The following XRRA1 variants were observed in gnomAD, a reference collection of about 807,000 sequenced individuals.
XRRA1 encodes X-ray radiation resistance-associated protein 1.
Under a neutral mutation model 80.2 loss-of-function variants are expected in XRRA1, and 69 were observed. The observed-to-expected ratio is 0.86, with a 90% CI of 0.71 to 1.05. The LOEUF is 1.05. Among genes scored for constraint, XRRA1 ranks in the 50% least tolerant of loss-of-function variants. The pLI, the probability that XRRA1 is intolerant of heterozygous loss-of-function variation, is 0.00. For missense variants in XRRA1, 967 were observed against 976.4 expected (o/e 0.99, Z 0.13); for synonymous variants, 348 against 389.9 (o/e 0.89, Z 1.27).
chr11:74,895,504 G>A (rs1322798989), intron 10 of XRRA1, among the ~76,000 whole-genome samples: 1 of 152,232 alleles, frequency 6.6e-6, no homozygotes, highest in African/African-American at 2.4e-5. Flanking sequence ...GGACACAAGA[G>A]CTGTAATTCT....
intron 10 of XRRA1, chr11:74,864,101 C>A (rs1159034780): frequency 6.6e-6 from 1 of 152,046 alleles, no homozygotes; most frequent in Non-Finnish European, 1.5e-5. Flanking sequence ...AGAATTATCA[C>A]CTGAATAAAA....
intron 11 of XRRA1, among the ~76,000 whole-genome samples, chr11:74,861,790 T>C (rs1272055771): frequency 6.6e-6 from 1 of 152,154 alleles, no homozygotes; most frequent in South Asian, 2.1e-4. Flanking sequence ...GTTTGAGTTG[T>C]TCTAGAAAAT....
chr11:74,854,532 A>G (rs757977159), intron 12 of XRRA1, among the ~76,000 whole-genome samples: 9 of 152,320 alleles, frequency 5.9e-5, no homozygotes, highest in Admixed American at 1.3e-4. Context: ...TTCCAATACA[A>G]TTTTATTTAT....
At chr11:74,944,095 T>C (rs1946990021) in intron 2 of XRRA1, among the ~76,000 whole-genome samples, 1 of 152,216 alleles carries the variant, frequency 6.6e-6, no homozygotes, top group Non-Finnish European at 1.5e-5. Flanking sequence ...GGAAGGCCAG[T>C]GGAAATAACT....
At chr11:74,925,814 G>C (rs1489355377) in intron 7 of XRRA1, among the ~76,000 whole-genome samples, 1 of 152,128 alleles carries the variant, frequency 6.6e-6, no homozygotes, top group Non-Finnish European at 1.5e-5. Context: ...GGTTTGAAAT[G>C]GTAGGGGAAG....
rs775581934 is a variant in XRRA1, at chr11:74,844,293, G to A, written c.1928-10C>T. On this transcript the variant is annotated splice_polypyrimidine_tract_variant and intron_variant, in intron 16 of 18. Coordinates refer to ENST00000684022, the MANE Select transcript of XRRA1 (RefSeq NM_001378157.1). Reference sequence around the variant, plus strand: ...GCATTCTTCTGGATTCCTAGGGCAAGAAGGCAAGACTGAGTCAAGGCACTT... The same window carrying A: ...GCATTCTTCTGGATTCCTAGGGCAAAAAGGCAAGACTGAGTCAAGGCACTT... The A allele has an allele frequency of 1.2e-6, 2 of 1,608,976 alleles. No individual in the cohort carries two copies. Among genetic ancestry groups the A allele is most frequent in the African/African-American group, 1.3e-5 (1 of 74,800 alleles).
intron 10 of XRRA1, among the ~76,000 whole-genome samples, chr11:74,882,960 TTTTG>T (rs1271412637): frequency 6.6e-6 from 1 of 152,156 alleles, no homozygotes; most frequent in African/African-American, 2.4e-5. Flanking sequence ...ACTGCTGTCT[TTTTG>T]TTTGTCTGTG....
chr11:74,891,225 C>G (rs967185797), intron 10 of XRRA1, among the ~76,000 whole-genome samples: 1 of 152,134 alleles, frequency 6.6e-6, no homozygotes, highest in African/African-American at 2.4e-5. Flanking sequence ...GGGCTTCATC[C>G]CTGGGATGCA....
At chr11:74,915,912 G>A (rs766040574) in intron 8 of XRRA1, among the ~76,000 whole-genome samples, 1 of 151,972 alleles carries the variant, frequency 6.6e-6, no homozygotes, top group Non-Finnish European at 1.5e-5. Context: ...TCCATACTTT[G>A]GAAGAACACT....
chr11:74,907,363 G>A, intron 8 of XRRA1, 90 bp from the exon 9 acceptor site: 2 of 1,540,014 alleles, frequency 1.3e-6, no homozygotes, highest in Non-Finnish European at 1.8e-6. Flanking sequence ...GAATCAATTA[G>A]GAGGACTAAC....
intron 12 of XRRA1, among the ~76,000 whole-genome samples, chr11:74,852,335 T>A (rs187232616): frequency 6.6e-6 from 1 of 152,004 alleles, no homozygotes; most frequent in East Asian, 1.9e-4. Flanking sequence ...GAGCTAAGAG[T>A]TTTTCCTCTT....
Position 74,904,031 on chromosome 11 carries a change from T to C in XRRA1, c.1003+2208A>G, listed in dbSNP as rs187296806. ...ATACTGTATTAGGACCTGAGTTGTA[T>C]TGTAAACAGAAGTCTCTGCTCCTAA... On this transcript the variant is annotated intron_variant, in intron 10 of 18. Transcript: ENST00000684022. 1.4e-4 allele frequency among the ~76,000 whole-genome samples: 22 copies of C among 152,282 alleles called. No homozygotes were observed. In the East Asian group the frequency reaches 2.5e-3, roughly 17 times the overall value.
At position 74,854,028 on chromosome 11, in the gene XRRA1, C is replaced by T. The variant is rs527944263; in HGVS notation, c.1171-1946G>A. ...GGGGAGGTACAAGAGAGAGAAGTAT[C>T]AAAGGTGACAGCTGGTTTTTGCCTT... On this transcript the variant is annotated intron_variant, in intron 12 of 18. Transcript: ENST00000684022. 1.7e-3 allele frequency among the ~76,000 whole-genome samples: 253 copies of T among 152,224 alleles called. 1 individual carries two copies. Among genetic ancestry groups the T allele is most frequent in the African/African-American group, 5.9e-3 (244 of 41,542 alleles).
chr11:74,841,722 CT>C lies in XRRA1; in HGVS notation c.*1477del, dbSNP rs2036576324. On this transcript the variant is annotated 3_prime_UTR_variant, in exon 19 of 19. Coordinates refer to ENST00000684022, the MANE Select transcript of XRRA1 (RefSeq NM_001378157.1). ...CCAAGGCAAAGCAAGGTTTGTTCAT[CT>C]TCCTTTCCTGTCATTTAAGGTAAAA... The C allele has an allele frequency of 6.6e-6, 1 of 152,230 alleles. No individual in the cohort carries two copies. The highest frequency in any genetic ancestry group is 1.5e-5 in the Non-Finnish European group (1 of 68,036). The allele number at this position is 152,230 out of a possible 1,614,324, so 9.4% of individuals were successfully genotyped here. A position where few individuals can be genotyped will look rare whatever the true frequency, so the allele number is the denominator to read the frequency against.
At chr11:74,924,009 A>AT (rs200603652) in intron 7 of XRRA1, among the ~76,000 whole-genome samples, 3,728 of 151,354 alleles carry the variant, frequency 0.025, 165 homozygotes, top group African/African-American at 0.086. Flanking sequence ...CACCATGCTA[A>AT]TTTTTTTTAT....
In XRRA1 at chr11:74,874,809, G is replaced by C. The variant is rs149223641; in HGVS notation, c.1004-11788C>G. 2.3e-3 allele frequency among the ~76,000 whole-genome samples: 355 copies of C among 152,190 alleles called. 2 individuals carry two copies. The highest frequency in any genetic ancestry group is 7.8e-3 in the African/African-American group (322 of 41,502). ...TGTGGTACAGACCTATGCAGCCAGG[G>C]AAGCTCTCAGGGAAACTTCCCTAGA... On this transcript the variant is annotated intron_variant, in intron 10 of 18. Transcript: ENST00000684022.
chr11:74,940,746 GGT>G lies in XRRA1; in HGVS notation c.94+37_94+38del, dbSNP rs761020773. The G allele has an allele frequency of 5.2e-5, 79 of 1,513,908 alleles. 5 individuals carry two copies. In the South Asian group the frequency reaches 9.4e-4, roughly 18 times the overall value. The allele number at this position is 1,513,908 out of a possible 1,614,324, so 93.8% of individuals were successfully genotyped here. A position where few individuals can be genotyped will look rare whatever the true frequency, so the allele number is the denominator to read the frequency against. The stretch of plus-strand genomic sequence containing the variant: ...GTGAGATGGTCTAAAGCACGAGCTA[GGT>G]ATGAGGAAAAGGTAGCTATTTGAGA... On this transcript the variant is annotated intron_variant, in intron 3 of 18. Coordinates refer to ENST00000684022, the MANE Select transcript of XRRA1 (RefSeq NM_001378157.1).
chr11:74,866,109 C>T (rs1258820913), intron 10 of XRRA1, among the ~76,000 whole-genome samples: 3 of 152,208 alleles, frequency 2.0e-5, no homozygotes, highest in African/African-American at 4.8e-5. Context: ...CTTCTACAAA[C>T]ATCAGGAATA....
At chr11:74,892,779 T>A (rs1435277106) in intron 10 of XRRA1, among the ~76,000 whole-genome samples, 5 of 152,112 alleles carry the variant, frequency 3.3e-5, no homozygotes, top group Admixed American at 3.3e-4. Flanking sequence ...AGAAGACATT[T>A]ATGCAGCCAA....
Sources: gnomAD v4.1 joint callset for allele counts (sites outside exome capture counted in the v4.1 genomes callset) on GRCh38, gnomAD v4.1.1 for gene constraint, MANE v1.5 for transcripts, NCBI Gene and HGNC (gene_info 2026-07-23, HGNC 2026-07-21) for gene names.